Variants in STK31 observed in about 807,000 individuals in gnomAD.
STK31 encodes the protein serine/threonine kinase 31.
STK31 carries 89 observed loss-of-function variants against 129.7 expected under a neutral mutation model. That is an observed-to-expected ratio of 0.69 (90% confidence interval 0.58 to 0.82). The LOEUF (loss-of-function observed/expected upper bound fraction) is 0.82, where lower values mean the gene tolerates loss of function less well. STK31 is among the 40% of genes least tolerant of loss of function. The pLI is 0.00. For synonymous variants in STK31, 448 were observed against 395.3 expected (o/e 1.13, Z -1.58); for missense variants, 1,187 against 1,176.4 (o/e 1.01, Z -0.13).
intron 8 of STK31, among the ~76,000 whole-genome samples, chr7:23,750,845 G>A (rs1431945405): frequency 6.6e-6 from 1 of 152,042 alleles, no homozygotes; most frequent in Non-Finnish European, 1.5e-5. Flanking sequence ...TTAGGATATC[G>A]ATCACCTCAA....
intron 22 of STK31, among the ~76,000 whole-genome samples, chr7:23,802,731 C>G (rs985322672): frequency 1.3e-5 from 2 of 152,142 alleles, no homozygotes; most frequent in Non-Finnish European, 2.9e-5. Flanking sequence ...CCAGGCTGGT[C>G]TCGAACTCCT....
chr7:23,738,518 G>T (rs1380510214), intron 8 of STK31, among the ~76,000 whole-genome samples: 2 of 151,958 alleles, frequency 1.3e-5, no homozygotes, highest in Non-Finnish European at 2.9e-5. Flanking sequence ...CTCCTGCCTA[G>T]CTCGGACTAT....
intron 8 of STK31, among the ~76,000 whole-genome samples, chr7:23,744,515 T>A (rs1788235561): frequency 6.6e-6 from 1 of 152,226 alleles, no homozygotes. Context: ...TTTTCTTGTC[T>A]TCTCATGTTT....
intron 23 of STK31, among the ~76,000 whole-genome samples, chr7:23,819,422 T>C (rs1281768595): frequency 3.9e-3 from 1 of 256 alleles, no homozygotes; most frequent in Non-Finnish European, 0.022. Flanking sequence ...TTTCTTTCCT[T>C]TTTTTTTTTT....
intron 1 of STK31, chr7:23,710,704 T>G: frequency 9.1e-7 from 1 of 1,101,656 alleles, no homozygotes; most frequent in Non-Finnish European, 1.1e-6. Flanking sequence ...AGTGGAGATT[T>G]GGACGTACTA....
rs150391003 is a variant in STK31, at chr7:23,727,307, G to C, written c.316G>C (p.Val106Leu). 8.1e-6 allele frequency: 13 copies of C among 1,613,046 alleles called. No homozygotes were observed. The highest frequency in any genetic ancestry group is 1.1e-5 in the Non-Finnish European group (13 of 1,179,492). Residue 106 changes from valine to leucine, a missense_variant, in exon 5 of 24, where the codon GTT becomes CTT. By Grantham distance (32) the Val-to-Leu change is conservative. This residue lies in a region of STK31 where 103 missense variants were observed against 110.4 expected (regional missense o/e 0.93). Transcript: ENST00000355870. ...ATGCAAAGTACTGAAAATCATCAGC[G>C]TTGAAAAGGCAGGAAATTAAGTGTT... ...YRCKVLKIISVEKCLVRYIDY... is the reference protein window; with the variant it reads ...YRCKVLKIISLEKCLVRYIDY...
chr7:23,736,700 A>G (rs1787739963), intron 7 of STK31, among the ~76,000 whole-genome samples: 1 of 152,134 alleles, frequency 6.6e-6, no homozygotes. Flanking sequence ...TGAGAATTAG[A>G]GGCATTATTG....
chr7:23,773,465 G>A (rs1049563185), intron 15 of STK31, among the ~76,000 whole-genome samples: 2 of 152,034 alleles, frequency 1.3e-5, no homozygotes, highest in Admixed American at 6.6e-5. Context: ...GGGTTGGTTC[G>A]AAGTCTTTGC....
At chr7:23,715,471 T>C (rs1173537553) in intron 3 of STK31, among the ~76,000 whole-genome samples, 1 of 146,716 alleles carries the variant, frequency 6.8e-6, no homozygotes, top group African/African-American at 2.5e-5. Flanking sequence ...AAAAAAAAAT[T>C]AGCCAGGCAT....
chr7:23,814,285 ATTTTCAGGTT>A (rs910090631), intron 22 of STK31, among the ~76,000 whole-genome samples: 4 of 149,800 alleles, frequency 2.7e-5, no homozygotes, highest in African/African-American at 9.8e-5. Context: ...ATTTTATGGT[ATTTTCAGGTT>A]TTATAATTGT....
intron 23 of STK31, among the ~76,000 whole-genome samples, chr7:23,831,613 A>G (rs181454734): frequency 6.6e-6 from 1 of 152,270 alleles, no homozygotes; most frequent in Admixed American, 6.5e-5. Flanking sequence ...CTGTCATTGT[A>G]TTAATTGATT....
chr7:23,735,901 G>T lies in STK31; in HGVS notation c.842+5G>T, dbSNP rs758350155. 3 of 1,556,896 alleles carry T rather than the reference G, an allele frequency of 1.9e-6. No individual in the cohort carries two copies. The South Asian group carries it at 3.6e-5, about 19-fold the overall frequency. On this transcript the variant is annotated splice_donor_5th_base_variant and intron_variant, in intron 7 of 23. Transcript: ENST00000355870. The stretch of plus-strand genomic sequence containing the variant: ...CAATCTTATAACATTTCCAAAGTAA[G>T]AATTTAGTCTTCACTAATTTCTAAT...
intron 23 of STK31, among the ~76,000 whole-genome samples, chr7:23,829,580 A>G (rs1012058214): frequency 6.6e-6 from 1 of 152,126 alleles, no homozygotes; most frequent in Non-Finnish European, 1.5e-5. Context: ...ATACTGGTCT[A>G]TAGTTTTTTG....
chr7:23,757,998 A>G (rs1296577171), intron 10 of STK31, among the ~76,000 whole-genome samples: 5 of 152,214 alleles, frequency 3.3e-5, no homozygotes, highest in African/African-American at 4.8e-5. Flanking sequence ...CCCTAAATCC[A>G]TGAAACCTTG....
chr7:23,752,879 A>G, intron 9 of STK31, 47 bp downstream of exon 9: 1 of 1,263,726 alleles, frequency 7.9e-7, no homozygotes, highest in South Asian at 1.3e-5. Flanking sequence ...ACTAATTTTT[A>G]ATCAATTGGT....
rs147752445 is a variant in STK31 at position 23,774,509 on chromosome 7, G to A, written c.1965+2231G>A. ...TGAGATCGTATCTCACTGTGGTTTTGATTTGCATTTCTCTGATGACCAGTG... is the reference window on the plus strand; with the variant it reads ...TGAGATCGTATCTCACTGTGGTTTTAATTTGCATTTCTCTGATGACCAGTG... On this transcript the variant is annotated intron_variant, in intron 15 of 23. Coordinates refer to ENST00000355870, the MANE Select transcript of STK31 (RefSeq NM_031414.5). Among the ~76,000 whole-genome samples the A allele has an allele frequency of 9.5e-3, 1,449 of 152,286 alleles. 21 individuals carry two copies. Among genetic ancestry groups the A allele is most frequent in the African/African-American group, 0.034 (1,397 of 41,566 alleles).
At position 23,824,152 on chromosome 7, in the gene STK31, G is replaced by A. The variant is rs188965850; in HGVS notation, c.2830-7984G>A. On this transcript the variant is annotated intron_variant, in intron 23 of 23. Coordinates refer to ENST00000355870, the MANE Select transcript of STK31 (RefSeq NM_031414.5). ...CTGTGAAGAAAGTCATTGGTAGCTCGATGGGGATGGCATTGAATCTATAAA... is the reference window on the plus strand; with the variant it reads ...CTGTGAAGAAAGTCATTGGTAGCTCAATGGGGATGGCATTGAATCTATAAA... 4.3e-3 allele frequency among the ~76,000 whole-genome samples: 661 copies of A among 152,312 alleles called. 8 individuals are homozygous for A. Among genetic ancestry groups the A allele is most frequent in the African/African-American group, 0.015 (636 of 41,566 alleles).
chr7:23,831,055 G>A (rs961000602), intron 23 of STK31, among the ~76,000 whole-genome samples: 6 of 152,264 alleles, frequency 3.9e-5, no homozygotes, highest in South Asian at 2.1e-4. Flanking sequence ...AGATATGGTC[G>A]TTTCCTATAG....
chr7:23,728,301 A>G (rs1292114402), intron 5 of STK31, among the ~76,000 whole-genome samples: 2 of 152,038 alleles, frequency 1.3e-5, no homozygotes, highest in East Asian at 3.9e-4. Context: ...GTTCAGGATA[A>G]AAGAGAAAAA....
Sources: allele counts gnomAD v4.1 joint callset (sites outside exome capture counted in the v4.1 genomes callset), GRCh38; gene constraint gnomAD v4.1.1; regional missense constraint gnomAD v4.1.1; transcripts MANE v1.5; gene names NCBI Gene and HGNC (gene_info 2026-07-23, HGNC 2026-07-21).